The following C10orf143 variants were observed in gnomAD, a reference collection of about 807,000 sequenced individuals.
C10orf143 encodes chromosome 10 open reading frame 143.
At chr10:130,054,229 G>A (rs1486792496) in intron 3 of C10orf143, among the ~76,000 whole-genome samples, 1 of 152,088 alleles carries the variant, frequency 6.6e-6, no homozygotes, top group Non-Finnish European at 1.5e-5. Flanking sequence ...GGGCTTCTGT[G>A]AGCTCAAAGT....
chr10:130,066,116 T>C (rs1860928440), intron 3 of C10orf143: 1 of 151,990 alleles, frequency 6.6e-6, no homozygotes, highest in Non-Finnish European at 1.5e-5. Flanking sequence ...CTGGAAGACA[T>C]GTTTGAGACA....
At chr10:130,094,773 C>T (rs1052025109) in intron 1 of C10orf143, among the ~76,000 whole-genome samples, 7 of 152,184 alleles carry the variant, frequency 4.6e-5, no homozygotes, top group African/African-American at 1.7e-4. Flanking sequence ...CAATGTCATA[C>T]TGAATGGGCA....
chr10:130,042,177 GATT>G (rs1708711458), intron 3 of C10orf143, among the ~76,000 whole-genome samples: 2 of 152,214 alleles, frequency 1.3e-5, no homozygotes, highest in Non-Finnish European at 2.9e-5. Flanking sequence ...AGAAGGGAAT[GATT>G]ATTACTTTCT....
chr10:130,035,679 C>T (rs183428307), intron 4 of C10orf143, among the ~76,000 whole-genome samples: 496 of 152,354 alleles, frequency 3.3e-3, no homozygotes, highest in Non-Finnish European at 5.3e-3. Flanking sequence ...ATTTTGCAGA[C>T]GTGAGAATGA....
At chr10:130,074,449 A>G (rs903540125) in intron 3 of C10orf143, among the ~76,000 whole-genome samples, 11 of 152,174 alleles carry the variant, frequency 7.2e-5, no homozygotes, top group African/African-American at 2.7e-4. Context: ...GATGCTTGCT[A>G]TCAGCTGTGG....
chr10:130,108,296 G>T (rs747265689), intron 1 of C10orf143: 1 of 1,568,442 alleles, frequency 6.4e-7, no homozygotes, highest in Non-Finnish European at 8.8e-7. Context: ...AATGAGAAAT[G>T]TCTATCCACC....
chr10:130,045,470 T>G (rs546063493), intron 3 of C10orf143, among the ~76,000 whole-genome samples: 1 of 152,098 alleles, frequency 6.6e-6, no homozygotes, highest in Non-Finnish European at 1.5e-5. Flanking sequence ...CCGCAGACAG[T>G]GGCAGCAACG....
At position 130,106,515 on chromosome 10, in the gene C10orf143, C is replaced by G. The variant is rs767228564; in HGVS notation, c.69+4189G>C. On this transcript the variant is annotated intron_variant, in intron 1 of 3. Coordinates refer to ENST00000637128, the MANE Select transcript of C10orf143 (RefSeq NM_001355042.2). ...GAAAAAGAGTTAAAAGAAGAGAAAT[C>G]TAAACATTCGCAACAAAATGAATTG... 5 of 1,599,980 alleles carry G rather than the reference C, an allele frequency of 3.1e-6. No individual in the cohort carries two copies. In the African/African-American group the frequency reaches 5.4e-5, roughly 17 times the overall value.
chr10:130,062,358 A>G (rs1410226421), downstream of C10orf143, among the ~76,000 whole-genome samples: 1 of 152,108 alleles, frequency 6.6e-6, no homozygotes, highest in Non-Finnish European at 1.5e-5. Context: ...CAGTTGAGTC[A>G]GTGGACTGGG....
intron 3 of C10orf143, among the ~76,000 whole-genome samples, chr10:130,040,189 A>T (rs1056614186): frequency 1.3e-5 from 2 of 152,086 alleles, no homozygotes; most frequent in African/African-American, 2.4e-5. Flanking sequence ...TAGGCCTGGG[A>T]TCCATGCCCC....
intron 1 of C10orf143, chr10:130,107,926 T>C: frequency 1.4e-6 from 2 of 1,389,648 alleles, no homozygotes; most frequent in Non-Finnish European, 2.0e-6. Flanking sequence ...GATTTTATTC[T>C]AACTCTGGTG....
chr10:130,106,505 G>A (rs955551236), intron 1 of C10orf143: 1 of 1,601,370 alleles, frequency 6.2e-7, no homozygotes, highest in South Asian at 1.1e-5. Context: ...AGAGTTAAAA[G>A]AAGAGAAATC....
chr10:130,075,786 G>GCT (rs146899818), intron 3 of C10orf143, among the ~76,000 whole-genome samples: 3 of 151,624 alleles, frequency 2.0e-5, no homozygotes, highest in Admixed American at 1.3e-4. Context: ...CCCCTCTGGC[G>GCT]CTCTCTCTCT....
chr10:130,087,208 G>A (rs895980303), intron 1 of C10orf143, among the ~76,000 whole-genome samples: 1 of 152,142 alleles, frequency 6.6e-6, no homozygotes, highest in Admixed American at 6.5e-5. Context: ...GTCATGGATG[G>A]GCCTGGACCA....
At chr10:130,073,285 T>C (rs1861061619) in intron 3 of C10orf143, among the ~76,000 whole-genome samples, 2 of 152,196 alleles carry the variant, frequency 1.3e-5, no homozygotes, top group South Asian at 4.1e-4. Flanking sequence ...ATGGCAGGGC[T>C]TCTACTTTTG....
chr10:130,101,877 AAAAAAAAAC>A (rs1861562146), intron 1 of C10orf143, among the ~76,000 whole-genome samples: 1 of 148,488 alleles, frequency 6.7e-6, no homozygotes, highest in African/African-American at 2.5e-5. Context: ...AAAAAAAAAA[AAAAAAAAAC>A]TTTTTCAGAA....
At chr10:130,088,017 T>C (rs776296276) in intron 1 of C10orf143, among the ~76,000 whole-genome samples, 4 of 152,198 alleles carry the variant, frequency 2.6e-5, no homozygotes, top group Non-Finnish European at 5.9e-5. Flanking sequence ...CACACTGAAT[T>C]AAGCATATGT....
At chr10:130,074,379 G>A (rs1204238603) in intron 3 of C10orf143, among the ~76,000 whole-genome samples, 4 of 152,188 alleles carry the variant, frequency 2.6e-5, no homozygotes, top group Admixed American at 6.5e-5. Flanking sequence ...TGAAGTTCCC[G>A]TTGATCCCTC....
At chr10:130,093,150 T>C (rs1818212222) in intron 1 of C10orf143, among the ~76,000 whole-genome samples, 3 of 152,302 alleles carry the variant, frequency 2.0e-5, no homozygotes, top group East Asian at 1.9e-4. Flanking sequence ...TATTCTAAAA[T>C]TGACCACATA....
Sources: allele counts gnomAD v4.1 joint callset (sites outside exome capture counted in the v4.1 genomes callset), GRCh38; gene constraint gnomAD v4.1.1; transcripts MANE v1.5; gene names NCBI Gene and HGNC (gene_info 2026-07-23, HGNC 2026-07-21).